SYCP1: variants seen among roughly 807,000 people sequenced by gnomAD.
SYCP1 encodes the protein synaptonemal complex protein 1.
Under a neutral mutation model 153.1 loss-of-function variants are expected in SYCP1, and 64 were observed. The ratio of observed to expected loss-of-function variants is 0.42; its 90% CI spans 0.34 to 0.51. The LOEUF is 0.51. Ranked by LOEUF, SYCP1 falls within the 20% of genes least tolerant of loss-of-function variation. The pLI is 0.06. For missense variants in SYCP1, 997 were observed against 1,049.0 expected (o/e 0.95, Z 0.68); for synonymous variants, 384 against 341.8 (o/e 1.12, Z -1.36).
At chr1:114,900,342 G>A (rs1009878720) in intron 16 of SYCP1, among the ~76,000 whole-genome samples, 9 of 151,822 alleles carry the variant, frequency 5.9e-5, no homozygotes, top group South Asian at 2.1e-4. Context: ...GTGCGGTGGC[G>A]TGATCTCAGC....
At chr1:114,908,566 C>T (rs2101658759) in intron 16 of SYCP1, among the ~76,000 whole-genome samples, 1 of 152,214 alleles carries the variant, frequency 6.6e-6, no homozygotes, top group South Asian at 2.1e-4. Context: ...TCTCTGTATT[C>T]TTCAGACTAT....
At chr1:114,925,838 GA>G (rs1167040414) in intron 21 of SYCP1, among the ~76,000 whole-genome samples, 2 of 152,066 alleles carry the variant, frequency 1.3e-5, no homozygotes, top group African/African-American at 4.8e-5. Flanking sequence ...ACATGAAAAT[GA>G]TTTTTTTAAC....
intron 3 of SYCP1, among the ~76,000 whole-genome samples, chr1:114,856,921 C>CAAAAAAAA (rs758650224): frequency 1.9e-4 from 7 of 37,280 alleles, no homozygotes; most frequent in African/African-American, 3.3e-4. Context: ...CCTGTCTGTA[C>CAAAAAAAA]AAAAAAAAAA....
At chr1:114,856,392 G>T (rs1033032276) in intron 2 of SYCP1, among the ~76,000 whole-genome samples, 181 bp from the exon 3 acceptor site, 1 of 152,076 alleles carries the variant, frequency 6.6e-6, no homozygotes, top group Non-Finnish European at 1.5e-5. Context: ...TATCTAATTA[G>T]AATTTTTTCT....
rs139139805 is a variant in SYCP1, at chr1:114,858,628, G to A, written c.373G>A (p.Ala125Thr). The part of the protein sequence containing the change: ...KIKKWKVSTE[A>T]ELRQKESKLQ... ...AAAAAAATGGAAAGTAAGTACAGAA[G>A]CTGAACTGAGACAGAAAGAAAGTAA... is the stretch of plus-strand genomic sequence containing the variant. The change falls in exon 6 of 32, where the codon GCT (alanine) becomes ACT (threonine). Residue 125 changes from alanine to threonine, a missense_variant. Physicochemically the swap from Ala to Thr is moderately conservative, Grantham distance 58. This residue lies in a region of SYCP1 where 285 missense variants were observed against 366.1 expected (regional missense o/e 0.78). Coordinates refer to ENST00000369522, the MANE Select transcript of SYCP1 (RefSeq NM_003176.4). 1.2e-5 allele frequency: 20 copies of A among 1,612,898 alleles called. No homozygotes were observed. Among genetic ancestry groups the A allele is most frequent in the Non-Finnish European group, 1.6e-5 (19 of 1,179,328 alleles).
rs554954140 is a variant in SYCP1, at chr1:114,957,364, A to G, written c.2322+10044A>G. Among the ~76,000 whole-genome samples, 9 of 152,334 alleles carry G rather than the reference A, an allele frequency of 5.9e-5. No individual in the cohort carries two copies. The East Asian group carries it at 1.5e-3, about 26-fold the overall frequency. On this transcript the variant is annotated intron_variant, in intron 27 of 31. Coordinates refer to ENST00000369522, the MANE Select transcript of SYCP1 (RefSeq NM_003176.4). ...TGAAAGAAAACACTGGGTAAATGCTACAGGGCATTGGTCCGGTCAAAGATT... is the reference window on the plus strand; with the variant it reads ...TGAAAGAAAACACTGGGTAAATGCTGCAGGGCATTGGTCCGGTCAAAGATT...
chr1:114,926,770 A>G (rs1012409990), intron 23 of SYCP1, among the ~76,000 whole-genome samples: 1 of 152,094 alleles, frequency 6.6e-6, no homozygotes, highest in African/African-American at 2.4e-5. Flanking sequence ...GCATGCACAT[A>G]TATTCTTAAG....
chr1:114,916,272 G>A (rs1402603046), intron 20 of SYCP1, among the ~76,000 whole-genome samples: 15 of 151,882 alleles, frequency 9.9e-5, no homozygotes, highest in Admixed American at 4.6e-4. Flanking sequence ...TTTACTTTTG[G>A]ATATTTATGT....
At chr1:114,959,560 A>G (rs968868836) in intron 27 of SYCP1, among the ~76,000 whole-genome samples, 2 of 152,190 alleles carry the variant, frequency 1.3e-5, no homozygotes, top group African/African-American at 4.8e-5. Flanking sequence ...CACCTCAAGC[A>G]TTTATCCTTT....
At chr1:114,874,651 C>T in intron 9 of SYCP1, 87 bp downstream of exon 9, 1 of 750,712 alleles carries the variant, frequency 1.3e-6, no homozygotes, top group Admixed American at 2.7e-5. Context: ...GACAACTATT[C>T]TTACTAAAAA....
chr1:114,886,403 T>A, intron 14 of SYCP1, 94 bp downstream of exon 14: 1 of 1,097,614 alleles, frequency 9.1e-7, no homozygotes, highest in South Asian at 2.1e-5. Flanking sequence ...TGCCAACTGA[T>A]GTGTGTAATT....
chr1:114,882,331 C>T (rs999798020), intron 12 of SYCP1, among the ~76,000 whole-genome samples: 12 of 152,150 alleles, frequency 7.9e-5, no homozygotes. Flanking sequence ...ATACCTTATC[C>T]TAATTTCTTT....
chr1:114,984,447 C>G (rs1433181416), intron 29 of SYCP1, among the ~76,000 whole-genome samples: 1 of 151,992 alleles, frequency 6.6e-6, no homozygotes, highest in Non-Finnish European at 1.5e-5. Flanking sequence ...GTGTCTGTCT[C>G]TCTGTTTCAC....
intron 18 of SYCP1, 23 bp downstream of exon 18, chr1:114,911,605 A>G (rs1408613877): frequency 5.9e-6 from 8 of 1,357,948 alleles, no homozygotes; most frequent in Non-Finnish European, 7.9e-6. Context: ...TTTATCTAAA[A>G]ATAGTTTATG....
chr1:114,923,674 A>G (rs1557803677), intron 21 of SYCP1, 144 bp downstream of exon 21: 1 of 785,290 alleles, frequency 1.3e-6, no homozygotes, highest in East Asian at 3.8e-5. Flanking sequence ...AACCTTAAAT[A>G]TCTAGGAAAG....
At chr1:114,946,967 A>G (rs965779703) in intron 26 of SYCP1, among the ~76,000 whole-genome samples, 2 of 152,130 alleles carry the variant, frequency 1.3e-5, no homozygotes, top group African/African-American at 4.8e-5. Flanking sequence ...GCTTTCCTCA[A>G]ACTCCTGACC....
intron 27 of SYCP1, among the ~76,000 whole-genome samples, chr1:114,967,493 A>G (rs1469481768): frequency 1.3e-5 from 2 of 151,880 alleles, no homozygotes; most frequent in Non-Finnish European, 1.5e-5. Flanking sequence ...TAGGATTGCA[A>G]TCTCTGCTTT....
intron 16 of SYCP1, among the ~76,000 whole-genome samples, chr1:114,909,270 A>T (rs1040849416): frequency 2.6e-5 from 4 of 152,028 alleles, no homozygotes; most frequent in South Asian, 2.1e-4. Flanking sequence ...AGCAAGAGAG[A>T]TGGTGGGGTT....
intron 12 of SYCP1, among the ~76,000 whole-genome samples, chr1:114,880,570 G>GT (rs1665853064): frequency 6.6e-6 from 1 of 152,118 alleles, no homozygotes; most frequent in Non-Finnish European, 1.5e-5. Context: ...AGTATATAAG[G>GT]TTTTTCAGGT....
Sources: allele counts gnomAD v4.1 joint callset (sites outside exome capture counted in the v4.1 genomes callset), GRCh38; gene constraint gnomAD v4.1.1; regional missense constraint gnomAD v4.1.1; transcripts MANE v1.5; gene names NCBI Gene and HGNC (gene_info 2026-07-23, HGNC 2026-07-21).